The following EDA variants were observed in gnomAD, a reference collection of about 807,000 sequenced individuals.
EDA encodes ectodysplasin-A.
EDA carries 2 observed loss-of-function variants against 23.6 expected under a neutral mutation model. The observed-to-expected ratio is 0.08, with a 90% confidence interval of 0.03 to 0.27. The LOEUF is 0.27. Among genes scored for constraint, EDA ranks in the 10% least tolerant of loss-of-function variants. The pLI is 1.00. For synonymous variants in EDA, 131 were observed against 132.0 expected (o/e 0.99, Z 0.05); for missense variants, 229 against 324.2 (o/e 0.71, Z 2.26).
At chrX:69,752,303 T>C (rs2013914991) in intron 1 of EDA, among the ~76,000 whole-genome samples, 1 of 112,009 alleles carries the variant, frequency 8.9e-6, no homozygotes, top group Non-Finnish European at 1.9e-5. Context: ...TTGAATTTTG[T>C]CGAAGGCCTT....
At chrX:69,955,259 A>G (rs1469840593) in intron 1 of EDA, among the ~76,000 whole-genome samples, 3 of 112,230 alleles carry the variant, frequency 2.7e-5, no homozygotes, top group African/African-American at 3.2e-5. Context: ...ATTCCAATCA[A>G]GTGACTCAAA....
intron 1 of EDA, among the ~76,000 whole-genome samples, chrX:69,896,525 C>T (rs1276705289): frequency 1.8e-5 from 2 of 110,481 alleles, no homozygotes; most frequent in East Asian, 2.8e-4. Context: ...GGACACAATT[C>T]AGCCCATAAC....
chrX:69,969,783 A>G (rs1333479363), intron 2 of EDA, among the ~76,000 whole-genome samples: 4 of 111,421 alleles, frequency 3.6e-5, no homozygotes, highest in Non-Finnish European at 7.5e-5. Flanking sequence ...AGCTTCTAGT[A>G]CATGGGTGAA....
intron 1 of EDA, among the ~76,000 whole-genome samples, chrX:69,877,049 G>A (rs770753345): frequency 8.7e-4 from 98 of 112,433 alleles, no homozygotes; most frequent in African/African-American, 3.1e-3. Flanking sequence ...GACCCAGCAG[G>A]GTGGCTCCTG....
intron 1 of EDA, among the ~76,000 whole-genome samples, chrX:69,690,420 T>C (rs1304933712): frequency 8.9e-6 from 1 of 111,818 alleles, no homozygotes; most frequent in African/African-American, 3.2e-5. Context: ...TTTTCCTTTA[T>C]TCTATTCATA....
At chrX:69,751,668 T>G (rs2013875197) in intron 1 of EDA, among the ~76,000 whole-genome samples, 1 of 112,083 alleles carries the variant, frequency 8.9e-6, no homozygotes, top group Non-Finnish European at 1.9e-5. Flanking sequence ...GCATGGAATG[T>G]TCTTCCATTT....
chrX:69,996,588 C>A (rs760963469), intron 2 of EDA, among the ~76,000 whole-genome samples: 1 of 112,055 alleles, frequency 8.9e-6, no homozygotes, highest in South Asian at 3.8e-4. Flanking sequence ...TGATTGATGG[C>A]AGTAAATACT....
At chrX:69,882,703 A>T (rs1174961182) in intron 1 of EDA, among the ~76,000 whole-genome samples, 1 of 32,483 alleles carries the variant, frequency 3.1e-5, no homozygotes, top group African/African-American at 7.6e-5. Flanking sequence ...CAGTGTTTGT[A>T]ACTACTTTTT....
At chrX:69,832,856 A>T (rs2016653583) in intron 1 of EDA, among the ~76,000 whole-genome samples, 1 of 111,511 alleles carries the variant, frequency 9.0e-6, no homozygotes, top group African/African-American at 3.3e-5. Context: ...TTATTGGTGT[A>T]TAGGAATGCT....
chrX:69,679,888 T>C (rs1236317347), intron 1 of EDA, among the ~76,000 whole-genome samples: 4 of 106,550 alleles, frequency 3.8e-5, no homozygotes, highest in African/African-American at 1.0e-4. Flanking sequence ...GCTCTTGCTT[T>C]TCTAGTTCTT....
chrX:69,995,094 ACTG>A (rs2019638049), intron 2 of EDA, among the ~76,000 whole-genome samples: 1 of 112,094 alleles, frequency 8.9e-6, no homozygotes, highest in African/African-American at 3.2e-5. Context: ...ATCCTATAAA[ACTG>A]CTGTGGAAAT....
intron 2 of EDA, among the ~76,000 whole-genome samples, chrX:70,011,138 A>G (rs1256144092): frequency 1.8e-5 from 2 of 111,113 alleles, no homozygotes; most frequent in Non-Finnish European, 3.8e-5. Flanking sequence ...CAGCATGTCA[A>G]TTACACTTTG....
At chrX:69,662,837 A>G (rs1176709365) in intron 1 of EDA, among the ~76,000 whole-genome samples, 2 of 112,522 alleles carry the variant, frequency 1.8e-5, no homozygotes, top group African/African-American at 6.5e-5. Context: ...AACTGGAGCA[A>G]AGATGACTCT....
intron 1 of EDA, among the ~76,000 whole-genome samples, chrX:69,686,463 C>T (rs1934547150): frequency 8.9e-6 from 1 of 111,997 alleles, no homozygotes; most frequent in South Asian, 3.7e-4. Context: ...CCATATACTT[C>T]ACCCATTTCA....
chrX:69,718,485 A>G (rs974933958), intron 1 of EDA, among the ~76,000 whole-genome samples: 2 of 110,910 alleles, frequency 1.8e-5, no homozygotes, highest in African/African-American at 6.5e-5. Context: ...CAAATTACTG[A>G]GAGTTTTTTT....
At chrX:69,927,882 A>G (rs1247064700) in intron 1 of EDA, among the ~76,000 whole-genome samples, 2 of 110,795 alleles carry the variant, frequency 1.8e-5, no homozygotes, top group Admixed American at 9.7e-5. Flanking sequence ...CATCTTACCC[A>G]TTCTATATGC....
At chrX:69,969,160 G>T (rs1341529929) in intron 2 of EDA, among the ~76,000 whole-genome samples, 5 of 112,351 alleles carry the variant, frequency 4.5e-5, no homozygotes, top group Non-Finnish European at 7.5e-5. Flanking sequence ...ACAAGTCGTG[G>T]GCCTGGCCTG....
chrX:69,681,338 C>G (rs1406175987), intron 1 of EDA, among the ~76,000 whole-genome samples: 1 of 109,221 alleles, frequency 9.2e-6, no homozygotes, highest in East Asian at 2.9e-4. Flanking sequence ...TTGTGGCGTT[C>G]TCTGTATTTC....
intron 2 of EDA, among the ~76,000 whole-genome samples, chrX:69,981,547 G>C (rs2019407866): frequency 9.0e-6 from 1 of 111,301 alleles, no homozygotes. Context: ...CATAAGTAAA[G>C]GGGTTAAATT....
Sources: allele counts gnomAD v4.1 joint callset (sites outside exome capture counted in the v4.1 genomes callset), GRCh38; gene constraint gnomAD v4.1.1; transcripts MANE v1.5; gene names NCBI Gene and HGNC (gene_info 2026-07-23, HGNC 2026-07-21).